Variants in TRAPPC11 observed in about 807,000 individuals in gnomAD.
TRAPPC11 encodes the protein foie gras homolog.
Under a neutral mutation model 151.2 loss-of-function variants are expected in TRAPPC11, and 104 were observed. The ratio of observed to expected loss-of-function variants is 0.69; its 90% CI spans 0.59 to 0.81. The LOEUF (loss-of-function observed/expected upper bound fraction) is 0.81, where lower values mean the gene tolerates loss of function less well. TRAPPC11 is among the 30% of genes least tolerant of loss of function. The probability of loss-of-function intolerance (pLI) is 0.00; values close to 1 mark genes in which losing one functional copy is unlikely to be tolerated. For synonymous variants in TRAPPC11, 456 were observed against 472.3 expected, an observed-to-expected ratio of 0.97 and a Z score of 0.45; for missense variants, 1,230 against 1,349.6, an observed-to-expected ratio of 0.91 and a Z score of 1.39.
intron 23 of TRAPPC11, 59 bp downstream of exon 23, chr4:183,694,782 A>G: frequency 6.4e-7 from 1 of 1,553,130 alleles, no homozygotes; most frequent in Non-Finnish European, 8.7e-7. Flanking sequence ...ATTTTGTGTT[A>G]TTTTAGTTTA....
chr4:183,662,085 G>A (rs923265953), intron 1 of TRAPPC11, among the ~76,000 whole-genome samples: 2 of 151,948 alleles, frequency 1.3e-5, no homozygotes, highest in African/African-American at 4.8e-5. Context: ...GTAATATGCT[G>A]GTATAGATTA....
intron 4 of TRAPPC11, 179 bp from the exon 5 acceptor site, chr4:183,667,824 T>A (rs7655435): frequency 1.7e-6 from 1 of 598,350 alleles, no homozygotes; most frequent in Non-Finnish European, 2.9e-6. Context: ...AGGCATATAC[T>A]GTGTAACCTC....
chr4:183,701,784 G>A lies in TRAPPC11; in HGVS notation c.2939G>A (p.Gly980Glu). 7 of 1,613,074 alleles carry A rather than the reference G, an allele frequency of 4.3e-6. No individual in the cohort carries two copies. The highest frequency in any genetic ancestry group is 5.9e-6 in the Non-Finnish European group (7 of 1,179,148). ...LGNIEGGVAT[G>E]HYIISWKRTS... is the part of the protein sequence containing the mutation. ...AATATTGAAGGTGGAGTAGCAACCGGGCATTATATTATCTCTTGGAAAAGG... is the reference window on the plus strand; with the variant it reads ...AATATTGAAGGTGGAGTAGCAACCGAGCATTATATTATCTCTTGGAAAAGG... The change falls in exon 26 of 30, where the codon GGG (glycine) becomes GAG (glutamate). Residue 980 changes from glycine (G) to glutamate (E), a missense_variant. Physicochemically the swap from Gly to Glu is moderately conservative, Grantham distance 98. Coordinates refer to ENST00000334690, the MANE Select transcript of TRAPPC11 (RefSeq NM_021942.6).
chr4:183,705,196 G>A, intron 27 of TRAPPC11, 126 bp downstream of exon 27: 1 of 602,370 alleles, frequency 1.7e-6, no homozygotes. Flanking sequence ...AGTAGCTTAT[G>A]GCCAGTCTTG....
chr4:183,684,731 A>C lies in TRAPPC11; in HGVS notation c.1457A>C (p.Glu486Ala). 2 of 1,613,992 alleles carry C rather than the reference A, an allele frequency of 1.2e-6. No individual in the cohort carries two copies. Among genetic ancestry groups the C allele is most frequent in the African/African-American group, 1.3e-5 (1 of 75,032 alleles). ...LDYVMCDYRSEGWWTLLTSVL... is the reference protein window; with the variant it reads ...LDYVMCDYRSAGWWTLLTSVL... ...TATGTGATGTGTGATTATCGGAGTG[A>C]AGGATGGTGGACTCTGCTCACTTCT... The change falls in exon 15 of 30, where the codon GAA becomes GCA. Residue 486 changes from glutamate to alanine, a missense_variant. Glu to Ala is a moderately radical substitution (Grantham distance 107). Transcript: ENST00000334690.
At chr4:183,673,300 T>A (rs1383168174) in intron 5 of TRAPPC11, among the ~76,000 whole-genome samples, 2 of 152,202 alleles carry the variant, frequency 1.3e-5, no homozygotes, top group African/African-American at 4.8e-5. Context: ...AATACATTCC[T>A]TCACACATTA....
At chr4:183,708,677 G>T (rs1737201587) in intron 29 of TRAPPC11, 103 bp downstream of exon 29, 3 of 1,084,704 alleles carry the variant, frequency 2.8e-6, no homozygotes, top group South Asian at 1.5e-5. Flanking sequence ...GACCAACAGT[G>T]ATAGTTTTGC....
intron 8 of TRAPPC11, among the ~76,000 whole-genome samples, chr4:183,678,367 G>A (rs531604931): frequency 1.3e-5 from 2 of 152,296 alleles, no homozygotes; most frequent in East Asian, 1.9e-4. Flanking sequence ...TCTTAAAGAT[G>A]CCTGACTCTG....
chr4:183,695,268 G>C (rs1736479970), intron 23 of TRAPPC11, among the ~76,000 whole-genome samples: 1 of 152,092 alleles, frequency 6.6e-6, no homozygotes, highest in African/African-American at 2.4e-5. Flanking sequence ...TTTTCGTATA[G>C]AGGATCAATA....
chr4:183,679,732 T>G (rs1369484023), intron 9 of TRAPPC11, among the ~76,000 whole-genome samples: 1 of 152,220 alleles, frequency 6.6e-6, no homozygotes, highest in South Asian at 2.1e-4. Context: ...CTCTACCATA[T>G]GTCTAGGTCC....
Position 183,665,137 on chromosome 4 carries a change from G to A in TRAPPC11, c.204+1066G>A, listed in dbSNP as rs74965481. Among the ~76,000 whole-genome samples the A allele has an allele frequency of 1.4e-4, 16 of 116,550 alleles. No homozygotes were observed. In the South Asian group the frequency reaches 3.2e-3, roughly 23 times the overall value. The allele number at this position is 116,550 out of a possible 152,430, so 76.5% of individuals were successfully genotyped here. A position where few individuals can be genotyped will look rare whatever the true frequency, so the allele number is the denominator to read the frequency against. On this transcript the variant is annotated intron_variant, in intron 2 of 29. Coordinates refer to ENST00000334690, the MANE Select transcript of TRAPPC11 (RefSeq NM_021942.6). The stretch of plus-strand genomic sequence containing the variant: ...TGAGACGGAGTCTCGCTCTGTCCCC[G>A]AGGCTGGAGTGCTGTGGCGCGATAT...
At chr4:183,705,250 G>A (rs79253662) in intron 27 of TRAPPC11, among the ~76,000 whole-genome samples, 180 bp downstream of exon 27, 2,932 of 151,934 alleles carry the variant, frequency 0.019, 60 homozygotes, top group East Asian at 0.062. Flanking sequence ...CTGTTATTTT[G>A]GAACAAATCC....
intron 14 of TRAPPC11, 47 bp from the exon 15 acceptor site, chr4:183,684,649 C>T (rs534068257): frequency 1.3e-5 from 21 of 1,597,086 alleles, no homozygotes; most frequent in Non-Finnish European, 1.7e-5. Context: ...ACTCTTCGAA[C>T]CCTTTCTTGT....
At position 183,680,042 on chromosome 4, in the gene TRAPPC11, T is replaced by G. The variant is rs10022122; in HGVS notation, c.966-78T>G. The G allele has an allele frequency of 0.44, 569,623 of 1,289,352 alleles. 128,667 individuals are homozygous for G. The highest frequency in any genetic ancestry group is 0.62 in the African/African-American group (41,390 of 66,748). The allele number at this position is 1,289,352 out of a possible 1,614,324, so 79.9% of individuals were successfully genotyped here. On this transcript the variant is annotated intron_variant, in intron 9 of 29. Transcript: ENST00000334690. ...TTTAACACAGTCTGCTGAGGTTAAG[T>G]TTCCCAGGATGAATTACCAGAAATA...
intron 26 of TRAPPC11, among the ~76,000 whole-genome samples, chr4:183,704,197 C>T (rs1227784725): frequency 1.3e-5 from 2 of 152,192 alleles, no homozygotes; most frequent in Non-Finnish European, 2.9e-5. Flanking sequence ...ATTTTAAAAG[C>T]TCTTAACTTC....
chr4:183,667,617 C>T (rs1428903546), intron 4 of TRAPPC11, among the ~76,000 whole-genome samples: 3 of 152,132 alleles, frequency 2.0e-5, no homozygotes, highest in Non-Finnish European at 4.4e-5. Context: ...TCCACTTTCC[C>T]AGACTTTTGT....
intron 29 of TRAPPC11, 72 bp downstream of exon 29, chr4:183,708,646 C>A: frequency 7.2e-7 from 1 of 1,387,286 alleles, no homozygotes; most frequent in Non-Finnish European, 1.0e-6. Context: ...TTCATGTAAA[C>A]TTCACTGAAC....
rs567222128 is a variant in TRAPPC11 at position 183,687,250 on chromosome 4, T to C, written c.1893+502T>C. Among the ~76,000 whole-genome samples, 77 of 152,284 alleles carry C rather than the reference T, an allele frequency of 5.1e-4. 1 individual carries two copies. In the South Asian group the frequency reaches 0.015, roughly 30 times the overall value. On this transcript the variant is annotated intron_variant, in intron 18 of 29. Transcript: ENST00000334690. ...TTTACACTTTGCTTACTCCAATTTT[T>C]GTTTTCACTCCATGTTTATAAAGTC...
intron 25 of TRAPPC11, 59 bp downstream of exon 25, chr4:183,697,894 T>A: frequency 6.6e-6 from 10 of 1,512,262 alleles, no homozygotes; most frequent in Non-Finnish European, 9.0e-6. Context: ...TGTGTGTGTG[T>A]GTGTATAAGC....
Sources: allele counts gnomAD v4.1 joint callset (sites outside exome capture counted in the v4.1 genomes callset), GRCh38; gene constraint gnomAD v4.1.1; transcripts MANE v1.5; gene names NCBI Gene and HGNC (gene_info 2026-07-23, HGNC 2026-07-21).